GRIA3: variants seen among roughly 807,000 people sequenced by gnomAD.
GRIA3 encodes the protein glutamate receptor 3.
Under a neutral mutation model 63.0 loss-of-function variants are expected in GRIA3, and 3 were observed. That is an observed-to-expected ratio of 0.05 (90% CI 0.02 to 0.12). The LOEUF is 0.12. GRIA3 is among the 10% of genes least tolerant of loss of function. GRIA3 has a pLI of 1.00. For missense variants in GRIA3, 347 were observed against 700.9 expected (o/e 0.50, Z 5.70); for synonymous variants, 274 against 257.9 (o/e 1.06, Z -0.60).
chrX:123,215,880 AG>A (rs2147262822), intron 2 of GRIA3, among the ~76,000 whole-genome samples: 1 of 111,594 alleles, frequency 9.0e-6, no homozygotes, highest in African/African-American at 3.3e-5. Flanking sequence ...GACCTAACCC[AG>A]GGCTGCAGTT....
At chrX:123,340,997 A>G (rs2045005444) in intron 4 of GRIA3, among the ~76,000 whole-genome samples, 1 of 112,316 alleles carries the variant, frequency 8.9e-6, no homozygotes, top group African/African-American at 3.2e-5. Flanking sequence ...CTTAGATAGC[A>G]ATGCAATTCT....
intron 10 of GRIA3, among the ~76,000 whole-genome samples, chrX:123,412,472 G>A (rs187014745): frequency 4.1e-4 from 46 of 112,303 alleles, no homozygotes; most frequent in Middle Eastern, 4.6e-3. Context: ...CAAAGGACAT[G>A]AACAGACACT....
intron 2 of GRIA3, among the ~76,000 whole-genome samples, chrX:123,196,928 AGACTAACT>A (rs1927589894): frequency 1.8e-5 from 2 of 112,329 alleles, no homozygotes; most frequent in African/African-American, 6.5e-5. Flanking sequence ...GTATAGATTA[AGACTAACT>A]GACCCATATA....
At chrX:123,330,166 A>G (rs1435423270) in intron 4 of GRIA3, among the ~76,000 whole-genome samples, 1 of 112,360 alleles carries the variant, frequency 8.9e-6, no homozygotes, top group African/African-American at 3.2e-5. Context: ...TAGTGTTTAT[A>G]TAGTGCTTTG....
At chrX:123,202,366 G>A (rs748020717) in intron 2 of GRIA3, among the ~76,000 whole-genome samples, 4 of 112,078 alleles carry the variant, frequency 3.6e-5, no homozygotes, top group Non-Finnish European at 7.5e-5. Context: ...TTTCAATAGC[G>A]AGCTCCAAAG....
intron 3 of GRIA3, among the ~76,000 whole-genome samples, chrX:123,319,609 G>C (rs1310452544): frequency 9.0e-6 from 1 of 111,527 alleles, no homozygotes; most frequent in Non-Finnish European, 1.9e-5. Context: ...AGTGCTTTGA[G>C]TACATCTGGG....
chrX:123,191,548 C>T (rs1299053207), intron 2 of GRIA3, among the ~76,000 whole-genome samples: 1 of 111,528 alleles, frequency 9.0e-6, no homozygotes, highest in African/African-American at 3.3e-5. Context: ...CATATTTCTA[C>T]CTCTTCTATT....
At chrX:123,441,217 T>C (rs1280361163) in intron 12 of GRIA3, among the ~76,000 whole-genome samples, 1 of 112,302 alleles carries the variant, frequency 8.9e-6, no homozygotes. Flanking sequence ...TGGCTTTATA[T>C]CACATTAAAC....
intron 3 of GRIA3, among the ~76,000 whole-genome samples, chrX:123,256,669 A>G (rs914551895): frequency 1.8e-5 from 2 of 112,177 alleles, no homozygotes; most frequent in Admixed American, 1.9e-4. Flanking sequence ...TAGAGTATAA[A>G]CAGAAGCCAT....
In GRIA3 at chrX:123,407,698, G is replaced by GGC. The variant is rs750438519; in HGVS notation, c.1500+2785_1500+2786insCG. 2.3e-5 allele frequency among the ~76,000 whole-genome samples: 2 copies of GGC among 85,256 alleles called. 1 individual carries two copies. Among genetic ancestry groups the GGC allele is most frequent in the Non-Finnish European group, 4.7e-5 (2 of 42,853 alleles). 74.0% of individuals were successfully genotyped at this position (85,256 alleles called of 115,157 possible). ...CAACATATGACTTGGTTGCGGGGGGGGGGGGGACGTGGGGACACAAATATT... is the reference window on the plus strand; with the variant it reads ...CAACATATGACTTGGTTGCGGGGGGGGCGGGGGGACGTGGGGACACAAATATT... On this transcript the variant is annotated intron_variant, in intron 10 of 15. Coordinates refer to ENST00000620443, the MANE Select transcript of GRIA3 (RefSeq NM_007325.5).
At chrX:123,282,063 A>G (rs1398869325) in intron 3 of GRIA3, among the ~76,000 whole-genome samples, 3 of 111,991 alleles carry the variant, frequency 2.7e-5, no homozygotes, top group Non-Finnish European at 5.6e-5. Flanking sequence ...TCAGCCTCAC[A>G]GTTTCTGCTT....
chrX:123,482,311 G>A lies in GRIA3; in HGVS notation c.2440-488G>A, dbSNP rs149449223. On this transcript the variant is annotated intron_variant, in intron 14 of 15. Coordinates refer to ENST00000620443, the MANE Select transcript of GRIA3 (RefSeq NM_007325.5). ...TCATGTCGTATCTTAAAGACTAGTC[G>A]TTCACAAAGTTTGTCACAGGGAGAG... is the stretch of plus-strand genomic sequence containing the variant. 1.1e-4 allele frequency among the ~76,000 whole-genome samples: 12 copies of A among 112,089 alleles called. No individual in the cohort carries two copies. The East Asian group carries it at 2.8e-3, about 26-fold the overall frequency.
At chrX:123,419,409 CAAA>C (rs56305308) in intron 11 of GRIA3, among the ~76,000 whole-genome samples, 6 of 75,948 alleles carry the variant, frequency 7.9e-5, no homozygotes, top group Admixed American at 1.5e-4. Flanking sequence ...AACTCAGTCT[CAAA>C]AAAAAAAAAA....
intron 2 of GRIA3, among the ~76,000 whole-genome samples, chrX:123,232,708 C>T (rs899714267): frequency 9.0e-6 from 1 of 110,849 alleles, no homozygotes; most frequent in Non-Finnish European, 1.9e-5. Context: ...CTACTATGTA[C>T]CCACAAAAAT....
At chrX:123,294,909 T>C (rs926908499) in intron 3 of GRIA3, among the ~76,000 whole-genome samples, 2 of 112,127 alleles carry the variant, frequency 1.8e-5, no homozygotes, top group African/African-American at 6.5e-5. Context: ...ACTATGTATA[T>C]GTTTTTAATT....
At chrX:123,431,057 T>C (rs868207361) in intron 12 of GRIA3, among the ~76,000 whole-genome samples, 4 of 61,555 alleles carry the variant, frequency 6.5e-5, no homozygotes, top group Admixed American at 4.8e-4. Flanking sequence ...CACACACACA[T>C]TGGGGATCTC....
intron 5 of GRIA3, among the ~76,000 whole-genome samples, chrX:123,375,497 C>T (rs1236243334): frequency 8.9e-6 from 1 of 111,794 alleles, no homozygotes; most frequent in Non-Finnish European, 1.9e-5. Context: ...AATTAAAATG[C>T]TTTTAAATGA....
At chrX:123,481,051 TC>T (rs1243585875) in intron 14 of GRIA3, among the ~76,000 whole-genome samples, 2 of 112,078 alleles carry the variant, frequency 1.8e-5, no homozygotes, top group Admixed American at 1.9e-4. Flanking sequence ...GTTTTCTACA[TC>T]CCACATCAGG....
rs767465049 is a variant in GRIA3 at position 123,218,055 on chromosome X, A to C, written c.268+32065A>C. 2.0e-3 allele frequency among the ~76,000 whole-genome samples: 221 copies of C among 112,855 alleles called. 1 individual carries two copies. Among genetic ancestry groups the C allele is most frequent in the African/African-American group, 6.7e-3 (207 of 31,097 alleles). ...GAAGAAAACTTTTAAAGCAACACATAGTATGACAAAAATTGTGTGCTTAAA... is the reference window on the plus strand; with the variant it reads ...GAAGAAAACTTTTAAAGCAACACATCGTATGACAAAAATTGTGTGCTTAAA... On this transcript the variant is annotated intron_variant, in intron 2 of 15. Coordinates refer to ENST00000620443, the MANE Select transcript of GRIA3 (RefSeq NM_007325.5).
Sources: allele counts gnomAD v4.1 joint callset (sites outside exome capture counted in the v4.1 genomes callset), GRCh38; gene constraint gnomAD v4.1.1; transcripts MANE v1.5; gene names NCBI Gene and HGNC (gene_info 2026-07-23, HGNC 2026-07-21).